The following LTBR variants were observed in gnomAD, a reference collection of about 807,000 sequenced individuals.
LTBR encodes the protein tumor necrosis factor receptor superfamily member 3.
In LTBR, 15 loss-of-function variants were observed where a neutral mutation model predicts 45.4. The ratio of observed to expected loss-of-function variants is 0.33; its 90% CI spans 0.22 to 0.51. The LOEUF (loss-of-function observed/expected upper bound fraction) is 0.51. Ranked by LOEUF, LTBR falls within the 20% of genes least tolerant of loss-of-function variation. LTBR has a pLI of 0.97. For synonymous variants in LTBR, 228 were observed against 231.0 expected, an observed-to-expected ratio of 0.99 and a Z score of 0.12; for missense variants, 450 against 565.5, an observed-to-expected ratio of 0.80 and a Z score of 2.07.
In LTBR at chr12:6,390,923, A is replaced by G. The variant is rs552582823; in HGVS notation, c.1294A>G (p.Ile432Val). The change falls in exon 10 of 10, where the codon ATC (isoleucine) becomes GTC (valine). Residue 432 changes from isoleucine to valine, a missense_variant. Transcript: ENST00000228918. ...TAACAGGGGCCCAAGGAACCAATTTATCACCCATGACTGACTGAGTCTGAG... is the reference window on the plus strand; with the variant it reads ...TAACAGGGGCCCAAGGAACCAATTTGTCACCCATGACTGACTGAGTCTGAG... The part of the protein sequence containing the change: ...PSNRGPRNQF[I>V]THD 3 of 1,576,976 alleles carry G rather than the reference A, an allele frequency of 1.9e-6. No individual in the cohort carries two copies. The highest frequency in any genetic ancestry group is 4.6e-5 in the East Asian group (2 of 43,476).
intron 2 of LTBR, 166 bp from the exon 3 acceptor site, chr12:6,384,856 A>G (rs1265696473): frequency 2.0e-6 from 2 of 1,022,012 alleles, no homozygotes; most frequent in African/African-American, 1.6e-5. Context: ...GGCCCTCCCC[A>G]CTGGGCCTCC....
At chr12:6,389,070 T>C in intron 8 of LTBR, 1 of 473,704 alleles carries the variant, frequency 2.1e-6, no homozygotes, top group Non-Finnish European at 3.8e-6. Flanking sequence ...AAACTATATA[T>C]CAGGTGGTAT....
Position 6,386,524 on chromosome 12 carries a change from A to G in LTBR, c.667+80A>G, listed in dbSNP as rs1003172933. On this transcript the variant is annotated intron_variant, in intron 6 of 9. Transcript: ENST00000228918. This position sits in a 1 kb window ranked among gnomAD's most constrained non-coding sequence, Gnocchi z 4.1. ...GCTCCACATCTTAAAAAAAATGGGG[A>G]AAAGATGAACACTTCCCTCCCAGAA... The G allele has an allele frequency of 2.7e-6, 3 of 1,131,750 alleles. No homozygotes were observed. The African/African-American group carries it at 4.6e-5, about 17-fold the overall frequency. The allele number at this position is 1,131,750 out of a possible 1,614,324, so 70.1% of individuals were successfully genotyped here. A position where few individuals can be genotyped will look rare whatever the true frequency, so the allele number is the denominator to read the frequency against.
At chr12:6,384,747 T>G in intron 2 of LTBR, 63 bp downstream of exon 2, 1 of 1,472,642 alleles carries the variant, frequency 6.8e-7, no homozygotes, top group Non-Finnish European at 9.5e-7. Flanking sequence ...TCCAGCCCCC[T>G]CGCGGCCTCA....
At chr12:6,382,149 C>A (rs933393198), upstream of LTBR, among the ~76,000 whole-genome samples, 1 of 151,964 alleles carries the variant, frequency 6.6e-6, no homozygotes, top group Non-Finnish European at 1.5e-5. Flanking sequence ...CAGCATAAGA[C>A]AGGGTGGGGA....
Position 6,390,739 on chromosome 12 carries a change from G to C in LTBR, c.1110G>C (p.Gly370=). 1 of 1,556,928 alleles carries C rather than the reference G, an allele frequency of 6.4e-7. No homozygotes were observed. The highest frequency in any genetic ancestry group is 8.7e-7 in the Non-Finnish European group (1 of 1,153,614). The change falls in exon 10 of 10, where the codon GGG becomes GGC. Residue 370 remains glycine (G), a synonymous_variant. Coordinates refer to ENST00000228918, the MANE Select transcript of LTBR (RefSeq NM_002342.3). ...ACATCTACAATGGACCAGTACTGGG[G>C]GGACCACCGGGTCCTGGAGACCTCC... is the stretch of plus-strand genomic sequence containing the variant. ...NIYIYNGPVL[G]GPPGPGDLPA...
At position 6,391,205 on chromosome 12, in the gene LTBR, G is replaced by A. The variant is rs1303540845; in HGVS notation, c.*268G>A. ...CTGCTCAGCCTCAGGCACGGACAGGGCACATGATACCAACTGCTGCCCACT... is the reference window on the plus strand; with the variant it reads ...CTGCTCAGCCTCAGGCACGGACAGGACACATGATACCAACTGCTGCCCACT... On this transcript the variant is annotated 3_prime_UTR_variant, in exon 10 of 10. Transcript: ENST00000228918. 5 of 361,176 alleles carry A rather than the reference G, an allele frequency of 1.4e-5. No individual in the cohort carries two copies. In the South Asian group the frequency reaches 3.4e-4, roughly 24 times the overall value. 22.4% of individuals were successfully genotyped at this position (361,176 alleles called of 1,614,324 possible). A position where few individuals can be genotyped will look rare whatever the true frequency, so the allele number is the denominator to read the frequency against.
upstream of LTBR, chr12:6,375,308 GC>G: frequency 1.4e-6 from 2 of 1,431,952 alleles, no homozygotes; most frequent in Non-Finnish European, 1.8e-6. Flanking sequence ...CCCTTGCCTT[GC>G]CCCCTCTCAC....
In LTBR at chr12:6,385,056, G is replaced by C; in HGVS notation, c.228G>C (p.Arg76=). 6.2e-7 allele frequency: 1 copy of C among 1,614,204 alleles called. No homozygotes were observed. Among genetic ancestry groups the C allele is most frequent in the Non-Finnish European group, 8.5e-7 (1 of 1,180,036 alleles). ...TCTCAGCTAAATGTAGCCGCATCCG[G>C]GACACAGTTTGTGCCACATGTGCCG... ...TYVSAKCSRI[R]DTVCATCAEN... is the part of the protein sequence containing the mutation. The change falls in exon 3 of 10, where the codon CGG becomes CGC. Residue 76 remains arginine (R), a synonymous_variant. Coordinates refer to ENST00000228918, the MANE Select transcript of LTBR (RefSeq NM_002342.3).
Position 6,388,614 on chromosome 12 carries a change from C to A in LTBR, c.775+109C>A. 9.0e-7 allele frequency: 1 copy of A among 1,105,114 alleles called. No homozygotes were observed. 68.5% of individuals were successfully genotyped at this position (1,105,114 alleles called of 1,614,324 possible). ...ACCCTCAAGACTCCCAATGCCTACC[C>A]CCAACATAGACATCCTTATCTTCAT... On this transcript the variant is annotated intron_variant, in intron 7 of 9. Coordinates refer to ENST00000228918, the MANE Select transcript of LTBR (RefSeq NM_002342.3). This position sits in a 1 kb window ranked among gnomAD's most constrained non-coding sequence, Gnocchi z 4.3.
At chr12:6,382,842 G>A (rs3759334), upstream of LTBR, among the ~76,000 whole-genome samples, 38,617 of 152,128 alleles carry the variant, frequency 0.25, 5,325 homozygotes, top group African/African-American at 0.35. Context: ...TCTCAAGAGA[G>A]GTTAGCCCCT....
chr12:6,385,946 A>C, intron 4 of LTBR, 120 bp from the exon 5 acceptor site: 1 of 670,098 alleles, frequency 1.5e-6, no homozygotes, highest in Non-Finnish European at 2.7e-6. Flanking sequence ...AGCTTGGGAA[A>C]GGTGAGAGCT....
intron 1 of LTBR, among the ~76,000 whole-genome samples, chr12:6,376,661 C>A (rs1206054355): frequency 6.6e-6 from 1 of 152,166 alleles, no homozygotes; most frequent in East Asian, 1.9e-4. Flanking sequence ...AAGTGGTGAG[C>A]AAGGAGAGAG....
At chr12:6,379,577 T>A (rs1010037433), upstream of LTBR, among the ~76,000 whole-genome samples, 3 of 152,234 alleles carry the variant, frequency 2.0e-5, no homozygotes, top group Non-Finnish European at 2.9e-5. Context: ...TCATTTAAAA[T>A]GATGGACCAG....
At chr12:6,375,828 A>T (rs1463811998) in intron 1 of LTBR, 2 of 1,351,900 alleles carry the variant, frequency 1.5e-6, no homozygotes, top group African/African-American at 3.0e-5. Flanking sequence ...CAACACAAGG[A>T]GAAGGGGCCA....
At chr12:6,376,214 C>T in intron 1 of LTBR, 1 of 983,664 alleles carries the variant, frequency 1.0e-6, no homozygotes, top group Non-Finnish European at 1.2e-6. Flanking sequence ...ATGCGTCTGC[C>T]TCCTCCTGGT....
rs909181699 is a variant in LTBR at position 6,386,100 on chromosome 12, C to T, written c.507C>T (p.Pro169=). The T allele has an allele frequency of 4.2e-5, 68 of 1,613,938 alleles. No homozygotes were observed. Among genetic ancestry groups the T allele is most frequent in the Non-Finnish European group, 5.7e-5 (67 of 1,179,970 alleles). The change falls in exon 5 of 10, where the codon CCC becomes CCT. Residue 169 remains proline (P), a synonymous_variant. Transcript: ENST00000228918. The surrounding 1 kb of genome is among the most constrained non-coding windows in gnomAD (Gnocchi z 4.1). ...GGAAGGGTAACAACCACTGCGTCCC[C>T]TGCAAGGCCGGGCACTTCCAGAATA... The part of the protein sequence containing the change: ...EVGKGNNHCV[P]CKAGHFQNTS...
Position 6,391,034 on chromosome 12 carries a change from C to T in LTBR, c.*97C>T. 7.7e-7 allele frequency: 1 copy of T among 1,296,660 alleles called. No homozygotes were observed. Among genetic ancestry groups the T allele is most frequent in the Middle Eastern group, 2.1e-4 (1 of 4,824 alleles). The allele number at this position is 1,296,660 out of a possible 1,614,324, so 80.3% of individuals were successfully genotyped here. The stretch of plus-strand genomic sequence containing the variant: ...GGGATTCACAGGGGCCTGAGTAGGG[C>T]CCGGGGAAGCAGAGCCCTAAGGGAT... On this transcript the variant is annotated 3_prime_UTR_variant, in exon 10 of 10. Transcript: ENST00000228918.
At chr12:6,381,435 G>A (rs945662339), upstream of LTBR, among the ~76,000 whole-genome samples, 3 of 152,202 alleles carry the variant, frequency 2.0e-5, no homozygotes, top group African/African-American at 7.2e-5. Context: ...CAAACCAGTA[G>A]CTGACTGACA....
Sources: gnomAD v4.1 joint callset for allele counts (sites outside exome capture counted in the v4.1 genomes callset) on GRCh38, gnomAD v4.1.1 for gene constraint, Gnocchi (gnomAD v3.1) non-coding constraint, MANE v1.5 for transcripts, NCBI Gene and HGNC (gene_info 2026-07-23, HGNC 2026-07-21) for gene names.